LHFPL3: variants seen among roughly 807,000 people sequenced by gnomAD.
LHFPL3 encodes the protein LHFPL tetraspan subfamily member 3 protein.
Under a neutral mutation model 19.3 loss-of-function variants are expected in LHFPL3, and 5 were observed. The ratio of observed to expected loss-of-function variants is 0.26; its 90% CI spans 0.14 to 0.54. The LOEUF is 0.54. Ranked by LOEUF, LHFPL3 falls within the 20% of genes least tolerant of loss-of-function variation. The pLI, the probability that LHFPL3 is intolerant of heterozygous loss-of-function variation, is 0.94. For synonymous variants in LHFPL3, 133 were observed against 126.2 expected (o/e 1.05, Z -0.36); for missense variants, 249 against 307.4 (o/e 0.81, Z 1.42).
intron 1 of LHFPL3, among the ~76,000 whole-genome samples, chr7:104,658,944 A>T (rs1200666035): frequency 1.3e-5 from 2 of 152,222 alleles, no homozygotes; most frequent in African/African-American, 4.8e-5. Context: ...GGAAGAGATG[A>T]AGGAGTGAGC....
chr7:104,786,223 G>A (rs1789911479), intron 2 of LHFPL3, among the ~76,000 whole-genome samples: 1 of 152,322 alleles, frequency 6.6e-6, no homozygotes, highest in Middle Eastern at 3.4e-3. Context: ...AGACTGAAAT[G>A]TCTATATAAA....
chr7:104,345,321 A>AT (rs1790042941), intron 1 of LHFPL3, among the ~76,000 whole-genome samples: 1 of 151,178 alleles, frequency 6.6e-6, no homozygotes, highest in Non-Finnish European at 1.5e-5. Context: ...AACTTTGTTG[A>AT]TTTTCTCCAC....
intron 2 of LHFPL3, among the ~76,000 whole-genome samples, chr7:104,890,320 G>A (rs1562827141): frequency 6.6e-6 from 1 of 152,138 alleles, no homozygotes; most frequent in Non-Finnish European, 1.5e-5. Flanking sequence ...AAGTGGTTGG[G>A]AGATTCTCCT....
chr7:104,564,494 C>G (rs1369317167), intron 1 of LHFPL3, among the ~76,000 whole-genome samples: 4 of 152,186 alleles, frequency 2.6e-5, no homozygotes, highest in African/African-American at 9.7e-5. Flanking sequence ...AAGGATACCA[C>G]ATATTTGAAT....
At chr7:104,442,708 G>C (rs1176628710) in intron 1 of LHFPL3, among the ~76,000 whole-genome samples, 1 of 152,166 alleles carries the variant, frequency 6.6e-6, no homozygotes, top group Non-Finnish European at 1.5e-5. Flanking sequence ...TTAATTCTGT[G>C]TTTATTAAAG....
intron 1 of LHFPL3, among the ~76,000 whole-genome samples, chr7:104,624,162 C>T (rs1791502106): frequency 6.6e-6 from 1 of 152,134 alleles, no homozygotes; most frequent in African/African-American, 2.4e-5. Context: ...CTCTCAACTG[C>T]TGGATCACTT....
At position 104,906,283 on chromosome 7, in the gene LHFPL3, T is replaced by C. The variant is rs1053315508; in HGVS notation, c.*68T>C. The C allele has an allele frequency of 3.8e-5, 58 of 1,522,150 alleles. No homozygotes were observed. The highest frequency in any genetic ancestry group is 4.8e-5 in the Non-Finnish European group (53 of 1,112,366). The allele number at this position is 1,522,150 out of a possible 1,614,324, so 94.3% of individuals were successfully genotyped here. The stretch of plus-strand genomic sequence containing the variant: ...GCTAAACGAATCGAATAACAGCTTT[T>C]GTACATCAACATCAAGAAGGAATAC... On this transcript the variant is annotated 3_prime_UTR_variant, in exon 3 of 3. Coordinates refer to ENST00000424859, the MANE Select transcript of LHFPL3 (RefSeq NM_199000.3).
chr7:104,704,674 C>T (rs1188753508), intron 1 of LHFPL3, among the ~76,000 whole-genome samples: 1 of 151,254 alleles, frequency 6.6e-6, no homozygotes, highest in African/African-American at 2.4e-5. Context: ...CTCACTCTAT[C>T]ACCCAGGCTA....
intron 2 of LHFPL3, among the ~76,000 whole-genome samples, chr7:104,761,248 C>T (rs1011951178): frequency 6.6e-6 from 1 of 152,032 alleles, no homozygotes; most frequent in Non-Finnish European, 1.5e-5. Context: ...ATGCCTGAAG[C>T]CTGTTTCTTT....
chr7:104,465,572 C>A (rs766730964), intron 1 of LHFPL3, among the ~76,000 whole-genome samples: 6 of 152,206 alleles, frequency 3.9e-5, no homozygotes, highest in Non-Finnish European at 7.3e-5. Flanking sequence ...GAAAGGGAAG[C>A]AAGCACTTCC....
At chr7:104,764,224 AG>A (rs1025871848) in intron 2 of LHFPL3, among the ~76,000 whole-genome samples, 12 of 152,050 alleles carry the variant, frequency 7.9e-5, no homozygotes, top group Non-Finnish European at 2.9e-5. Context: ...GCCGGAGTGC[AG>A]TGGTGTGATC....
chr7:104,679,833 A>AGGTG (rs756843872), intron 1 of LHFPL3, among the ~76,000 whole-genome samples: 1 of 152,234 alleles, frequency 6.6e-6, no homozygotes, highest in Non-Finnish European at 1.5e-5. Flanking sequence ...AAGAAAACTC[A>AGGTG]GGTGGTCTCT....
At chr7:104,707,971 C>G (rs1165900391) in intron 1 of LHFPL3, among the ~76,000 whole-genome samples, 2 of 152,212 alleles carry the variant, frequency 1.3e-5, no homozygotes, top group Non-Finnish European at 2.9e-5. Context: ...AGAGGTACAT[C>G]AGAGAGGCCA....
intron 1 of LHFPL3, chr7:104,669,643 C>T: frequency 7.3e-7 from 1 of 1,361,338 alleles, no homozygotes; most frequent in Non-Finnish European, 1.0e-6. Flanking sequence ...CAAATCAAAA[C>T]CTCTATCCAG....
intron 1 of LHFPL3, among the ~76,000 whole-genome samples, chr7:104,454,956 G>T (rs571121634): frequency 6.6e-6 from 1 of 152,280 alleles, no homozygotes; most frequent in African/African-American, 2.4e-5. Context: ...TAAATGGAAA[G>T]GAAATGAGGT....
At chr7:104,516,038 G>T (rs1001858825) in intron 1 of LHFPL3, among the ~76,000 whole-genome samples, 1 of 152,024 alleles carries the variant, frequency 6.6e-6, no homozygotes, top group African/African-American at 2.4e-5. Flanking sequence ...CTGTTCTCAT[G>T]CTACTAATAA....
intron 2 of LHFPL3, among the ~76,000 whole-genome samples, chr7:104,856,483 C>G (rs899106864): frequency 6.6e-6 from 1 of 151,790 alleles, no homozygotes; most frequent in Non-Finnish European, 1.5e-5. Flanking sequence ...CTCCTGACCT[C>G]GTGATCCACC....
intron 1 of LHFPL3, among the ~76,000 whole-genome samples, chr7:104,644,452 A>G (rs1791893151): frequency 6.6e-6 from 1 of 152,216 alleles, no homozygotes. Flanking sequence ...ATTATATGAA[A>G]GCCGACACAG....
intron 1 of LHFPL3, among the ~76,000 whole-genome samples, chr7:104,522,079 C>T (rs959577962): frequency 6.6e-6 from 1 of 152,086 alleles, no homozygotes; most frequent in African/African-American, 2.4e-5. Flanking sequence ...TATAAAGACA[C>T]ATGCACACGT....
Sources: gnomAD v4.1 joint callset for allele counts (sites outside exome capture counted in the v4.1 genomes callset) on GRCh38, gnomAD v4.1.1 for gene constraint, MANE v1.5 for transcripts, NCBI Gene and HGNC (gene_info 2026-07-23, HGNC 2026-07-21) for gene names.